The following CALN1 variants were observed in gnomAD, a reference collection of about 807,000 sequenced individuals.
CALN1 encodes the protein calneuron 1, also known as calcium-binding protein 8.
In CALN1, 17 loss-of-function variants were observed where a neutral mutation model predicts 30.6. The observed-to-expected ratio is 0.56, with a 90% CI of 0.38 to 0.83. CALN1 has a LOEUF of 0.83. CALN1 is among the 40% of genes least tolerant of loss of function. CALN1 has a pLI of 0.00. For missense variants in CALN1, 291 were observed against 354.9 expected, an observed-to-expected ratio of 0.82 and a Z score of 1.45; for synonymous variants, 156 against 131.4, an observed-to-expected ratio of 1.19 and a Z score of -1.28.
At chr7:72,376,654 G>A (rs1804575076) in intron 2 of CALN1, among the ~76,000 whole-genome samples, 1 of 151,916 alleles carries the variant, frequency 6.6e-6, no homozygotes, top group Admixed American at 6.6e-5. Flanking sequence ...CCATTCTGTG[G>A]GTTATCTTTT....
At chr7:71,904,508 T>G (rs1794025214) in intron 5 of CALN1, among the ~76,000 whole-genome samples, 1 of 151,992 alleles carries the variant, frequency 6.6e-6, no homozygotes, top group South Asian at 2.1e-4. Flanking sequence ...CTCATAGAAG[T>G]TGAGAATAGA....
chr7:72,213,933 C>T (rs1792588667), intron 3 of CALN1, among the ~76,000 whole-genome samples: 1 of 152,152 alleles, frequency 6.6e-6, no homozygotes, highest in Non-Finnish European at 1.5e-5. Context: ...GCTGTTGTGG[C>T]ATTTGCTCAG....
intron 3 of CALN1, among the ~76,000 whole-genome samples, chr7:72,153,696 A>G (rs1431516197): frequency 1.3e-5 from 2 of 151,664 alleles, no homozygotes; most frequent in East Asian, 3.9e-4. Flanking sequence ...AAATAAAAAG[A>G]AAAAAGAAAA....
chr7:72,019,397 G>A (rs1440219838), intron 5 of CALN1, among the ~76,000 whole-genome samples: 1 of 152,164 alleles, frequency 6.6e-6, no homozygotes, highest in Non-Finnish European at 1.5e-5. Flanking sequence ...CATTCACCGG[G>A]AGGCTGTTCT....
At chr7:72,331,138 T>A (rs183151636) in intron 2 of CALN1, among the ~76,000 whole-genome samples, 3 of 152,132 alleles carry the variant, frequency 2.0e-5, no homozygotes, top group African/African-American at 7.2e-5. Context: ...TTACCTGAAG[T>A]CAGGAGTTCG....
chr7:72,236,372 C>T (rs185218267), intron 3 of CALN1, among the ~76,000 whole-genome samples: 1 of 152,228 alleles, frequency 6.6e-6, no homozygotes, highest in African/African-American at 2.4e-5. Context: ...CAAGCCCACC[C>T]GCCCTCCGAA....
chr7:71,874,939 C>T (rs10267066), intron 5 of CALN1, among the ~76,000 whole-genome samples: 60 of 151,934 alleles, frequency 3.9e-4, no homozygotes, highest in Middle Eastern at 3.4e-3. Context: ...CCGAGGTGGG[C>T]GGATCACTTG....
chr7:72,011,401 G>A (rs1204980054), intron 5 of CALN1, among the ~76,000 whole-genome samples: 1 of 152,092 alleles, frequency 6.6e-6, no homozygotes, highest in Non-Finnish European at 1.5e-5. Flanking sequence ...TTGAACCTCT[G>A]AACTCTGCGC....
the CALN1 span, among the ~76,000 whole-genome samples, chr7:72,499,229 C>T: frequency 3.3e-5 from 5 of 152,208 alleles, no homozygotes; most frequent in African/African-American, 1.2e-4. Flanking sequence ...CGAGGTTTCA[C>T]CATGTTGGCC....
intron 5 of CALN1, among the ~76,000 whole-genome samples, chr7:71,973,808 T>C (rs193042915): frequency 6.6e-6 from 1 of 152,298 alleles, no homozygotes; most frequent in East Asian, 1.9e-4. Context: ...TTTAAGTGAC[T>C]TAAGTAAAAA....
intron 3 of CALN1, among the ~76,000 whole-genome samples, chr7:72,276,529 AC>A (rs1797343522): frequency 1.3e-5 from 2 of 152,136 alleles, no homozygotes; most frequent in South Asian, 4.1e-4. Context: ...CCTCACATTG[AC>A]ATTTGATTAG....
intron 5 of CALN1, among the ~76,000 whole-genome samples, chr7:71,879,941 A>G (rs1792469531): frequency 6.6e-6 from 1 of 152,130 alleles, no homozygotes; most frequent in Non-Finnish European, 1.5e-5. Flanking sequence ...TATGCTCTGG[A>G]CAGACATCTA....
chr7:72,403,032 A>G (rs1340390033), intron 2 of CALN1, among the ~76,000 whole-genome samples: 2 of 152,094 alleles, frequency 1.3e-5, no homozygotes, highest in Non-Finnish European at 2.9e-5. Flanking sequence ...CAGTTTGCAA[A>G]CCCATCCCTT....
chr7:72,346,801 T>C (rs191174367), intron 2 of CALN1, among the ~76,000 whole-genome samples: 133 of 152,224 alleles, frequency 8.7e-4, no homozygotes, highest in African/African-American at 2.9e-3. Flanking sequence ...AGGTGTGAGC[T>C]GCAGCGCCCG....
intron 1 of CALN1, among the ~76,000 whole-genome samples, chr7:72,408,294 A>T (rs1306105328): frequency 1.4e-5 from 2 of 144,956 alleles, no homozygotes; most frequent in African/African-American, 5.1e-5. Context: ...AAAAAAAATT[A>T]GTAGTGCGTG....
intron 5 of CALN1, among the ~76,000 whole-genome samples, chr7:71,818,672 T>TTTTATTTATTTA (rs72244772): frequency 1.5e-5 from 2 of 131,130 alleles, no homozygotes; most frequent in South Asian, 2.6e-4. Flanking sequence ...GACCAGCTTA[T>TTTTATTTATTTA]TTTATTTATT....
At position 71,939,788 on chromosome 7, in the gene CALN1, G is replaced by C. The variant is rs184678251; in HGVS notation, c.501+83869C>G. Among the ~76,000 whole-genome samples, 885 of 152,124 alleles carry C rather than the reference G, an allele frequency of 5.8e-3. 8 individuals carry two copies. Among genetic ancestry groups the C allele is most frequent in the African/African-American group, 0.02 (819 of 41,514 alleles). Reference sequence around the variant, plus strand: ...ATTAAGGACACAGAGGATACCTAGGGGTAGAGGTCAGGGCCTGGCTGGCAT... The same window carrying C: ...ATTAAGGACACAGAGGATACCTAGGCGTAGAGGTCAGGGCCTGGCTGGCAT... On this transcript the variant is annotated intron_variant, in intron 5 of 6. Coordinates refer to ENST00000395275, the MANE Select transcript of CALN1 (RefSeq NM_031468.4).
chr7:72,126,602 AC>A (rs1808782105), intron 3 of CALN1, among the ~76,000 whole-genome samples: 1 of 151,614 alleles, frequency 6.6e-6, no homozygotes, highest in Admixed American at 6.6e-5. Flanking sequence ...TTTACCCCTC[AC>A]CCCTTTCCCC....
At chr7:71,879,552 C>T (rs190696790) in intron 5 of CALN1, among the ~76,000 whole-genome samples, 3 of 152,348 alleles carry the variant, frequency 2.0e-5, no homozygotes, top group Admixed American at 2.0e-4. Flanking sequence ...CCTGTCCCCT[C>T]CTGTTGTTAC....
Sources: gnomAD v4.1 joint callset for allele counts (sites outside exome capture counted in the v4.1 genomes callset) on GRCh38, gnomAD v4.1.1 for gene constraint, MANE v1.5 for transcripts, NCBI Gene and HGNC (gene_info 2026-07-23, HGNC 2026-07-21) for gene names.